The following COL26A1 variants were observed in gnomAD, a reference collection of about 807,000 sequenced individuals.
The protein encoded by COL26A1 is collagen alpha-1(XXVI) chain.
Under a neutral mutation model 59.3 loss-of-function variants are expected in COL26A1, and 41 were observed. The ratio of observed to expected loss-of-function variants is 0.69; its 90% CI spans 0.54 to 0.90. The LOEUF is 0.90. Among genes scored for constraint, COL26A1 ranks in the 40% least tolerant of loss-of-function variants. COL26A1 has a pLI of 0.00. For synonymous variants in COL26A1, 266 were observed against 256.0 expected, an observed-to-expected ratio of 1.04 and a Z score of -0.37; for missense variants, 612 against 602.3, an observed-to-expected ratio of 1.02 and a Z score of -0.17.
chr7:101,524,980 C>T (rs1057233322), intron 3 of COL26A1, among the ~76,000 whole-genome samples: 5 of 152,100 alleles, frequency 3.3e-5, no homozygotes, highest in Non-Finnish European at 7.4e-5. Flanking sequence ...TATAGACAGA[C>T]TTTGTCCATG....
chr7:101,386,168 T>C (rs916646554), intron 1 of COL26A1, among the ~76,000 whole-genome samples: 3 of 151,550 alleles, frequency 2.0e-5, no homozygotes, highest in African/African-American at 4.9e-5. Context: ...GAGGGGATGA[T>C]GCTGCAGTTG....
At chr7:101,480,459 G>A (rs1473147718) in intron 3 of COL26A1, among the ~76,000 whole-genome samples, 1 of 151,876 alleles carries the variant, frequency 6.6e-6, no homozygotes, top group Non-Finnish European at 1.5e-5. Context: ...ATTTTCTCAT[G>A]TTGCTGGGGC....
At chr7:101,515,217 A>G (rs1795004399) in intron 3 of COL26A1, among the ~76,000 whole-genome samples, 1 of 152,246 alleles carries the variant, frequency 6.6e-6, no homozygotes, top group East Asian at 1.9e-4. Context: ...CCTGCACACA[A>G]ACGGTGCCTC....
chr7:101,385,325 G>A (rs1360927505), intron 1 of COL26A1, among the ~76,000 whole-genome samples: 1 of 141,644 alleles, frequency 7.1e-6, no homozygotes, highest in Admixed American at 7.2e-5. Context: ...ATATATACTC[G>A]ACACTAAATA....
At chr7:101,453,999 CAT>C (rs531863186) in intron 3 of COL26A1, among the ~76,000 whole-genome samples, 109 of 152,242 alleles carry the variant, frequency 7.2e-4, no homozygotes, top group African/African-American at 2.5e-3. Context: ...TTCCTTTCTA[CAT>C]ATGTCTATAC....
intron 4 of COL26A1, among the ~76,000 whole-genome samples, chr7:101,534,505 GACAC>G (rs752087347): frequency 4.6e-5 from 7 of 151,930 alleles, no homozygotes; most frequent in Non-Finnish European, 1.0e-4. Context: ...TACACATACA[GACAC>G]ACACATTTGC....
In COL26A1 at chr7:101,487,391, G is replaced by A. The variant is rs190473551; in HGVS notation, c.385+39604G>A. 2.7e-3 allele frequency among the ~76,000 whole-genome samples: 416 copies of A among 152,138 alleles called. 1 individual carries two copies. The highest frequency in any genetic ancestry group is 0.01 in the Middle Eastern group (3 of 294). On this transcript the variant is annotated intron_variant, in intron 3 of 12. Transcript: ENST00000313669. ...TCCATAGCCTGCACCCCATCACCCC[G>A]TGTCAGCACCAAGGGCTCCCCAGCC...
chr7:101,450,184 C>T (rs1411176329), intron 3 of COL26A1, among the ~76,000 whole-genome samples: 3 of 151,764 alleles, frequency 2.0e-5, no homozygotes, highest in African/African-American at 4.8e-5. Flanking sequence ...TGGGGCAGGC[C>T]GGGCACAGGA....
At chr7:101,414,403 T>TCTCTCG (rs1554407400) in intron 1 of COL26A1, among the ~76,000 whole-genome samples, 1 of 149,064 alleles carries the variant, frequency 6.7e-6, no homozygotes, top group African/African-American at 2.5e-5. Flanking sequence ...TCTCTCTCTC[T>TCTCTCG]CTCGCTCGCT....
intron 3 of COL26A1, among the ~76,000 whole-genome samples, chr7:101,492,015 G>C (rs1293564440): frequency 6.6e-6 from 1 of 152,146 alleles, no homozygotes; most frequent in Non-Finnish European, 1.5e-5. Flanking sequence ...TGGGTGGACA[G>C]GCTGGGGTCC....
At chr7:101,389,526 T>C (rs1239644674) in intron 1 of COL26A1, among the ~76,000 whole-genome samples, 1 of 151,914 alleles carries the variant, frequency 6.6e-6, no homozygotes, top group Non-Finnish European at 1.5e-5. Context: ...ACTACAGGCA[T>C]GCACCACCAT....
Position 101,374,659 on chromosome 7 carries a change from A to T in COL26A1, c.158+11469A>T, listed in dbSNP as rs147639160. 6.5e-4 allele frequency among the ~76,000 whole-genome samples: 99 copies of T among 152,260 alleles called. 2 individuals carry two copies. The East Asian group carries it at 0.019, about 29-fold the overall frequency. On this transcript the variant is annotated intron_variant, in intron 1 of 12. Coordinates refer to ENST00000313669, the MANE Select transcript of COL26A1 (RefSeq NM_001278563.3). ...TTGTCTCCCATCACCCCCAGATGGGACCGTCTAGTTGCAGGAAAACAAGCT... is the reference window on the plus strand; with the variant it reads ...TTGTCTCCCATCACCCCCAGATGGGTCCGTCTAGTTGCAGGAAAACAAGCT...
intron 1 of COL26A1, among the ~76,000 whole-genome samples, chr7:101,396,470 C>CAT (rs201906251): frequency 1.3e-5 from 2 of 148,958 alleles, no homozygotes; most frequent in African/African-American, 4.9e-5. Context: ...TTAAGCATTT[C>CAT]TTTTTTTTTT....
intron 3 of COL26A1, among the ~76,000 whole-genome samples, chr7:101,496,284 G>A (rs947614781): frequency 4.6e-5 from 7 of 152,214 alleles, no homozygotes; most frequent in Non-Finnish European, 8.8e-5. Context: ...TAATGCCCGG[G>A]TAACTGAATA....
chr7:101,500,094 A>G (rs115224581), intron 3 of COL26A1, among the ~76,000 whole-genome samples: 6,643 of 152,154 alleles, frequency 0.044, 506 homozygotes, highest in African/African-American at 0.15. Context: ...TTGGTTCAGG[A>G]TTGAACCTGC....
chr7:101,489,697 CTG>C (rs1378703681), intron 3 of COL26A1, among the ~76,000 whole-genome samples: 2 of 18,686 alleles, frequency 1.1e-4, no homozygotes, highest in Admixed American at 1.5e-3. Context: ...TTCTTTCTTT[CTG>C]TCTTTCTTTC....
intron 3 of COL26A1, among the ~76,000 whole-genome samples, chr7:101,506,049 C>T (rs1794806981): frequency 1.3e-5 from 2 of 152,200 alleles, no homozygotes; most frequent in Admixed American, 1.3e-4. Flanking sequence ...ATCCTCACAC[C>T]ACAGCCCTTG....
At chr7:101,373,929 C>A (rs1019048993) in intron 1 of COL26A1, among the ~76,000 whole-genome samples, 1 of 152,210 alleles carries the variant, frequency 6.6e-6, no homozygotes, top group African/African-American at 2.4e-5. Context: ...CTCCAGGCTT[C>A]TCTTGGCTCG....
At chr7:101,387,772 A>ATTT (rs1374717696) in intron 1 of COL26A1, among the ~76,000 whole-genome samples, 36 of 42,498 alleles carry the variant, frequency 8.5e-4, no homozygotes, top group African/African-American at 1.2e-3. Context: ...ATATATATAT[A>ATTT]TATATATTTT....
Sources: gnomAD v4.1 joint callset for allele counts (sites outside exome capture counted in the v4.1 genomes callset) on GRCh38, gnomAD v4.1.1 for gene constraint, MANE v1.5 for transcripts, NCBI Gene and HGNC (gene_info 2026-07-23, HGNC 2026-07-21) for gene names.